The following CROCC variants were observed in gnomAD, a reference collection of about 807,000 sequenced individuals.
The protein encoded by CROCC is rootletin.
Under a neutral mutation model 245.2 loss-of-function variants are expected in CROCC, and 180 were observed. The ratio of observed to expected loss-of-function variants is 0.73; its 90% CI spans 0.65 to 0.83. CROCC has a LOEUF of 0.83. Among genes scored for constraint, CROCC ranks in the 40% least tolerant of loss-of-function variants. The pLI is 0.00. For synonymous variants in CROCC, 1,205 were observed against 1,241.6 expected (o/e 0.97, Z 0.62); for missense variants, 2,688 against 2,779.4 (o/e 0.97, Z 0.74).
chr1:16,932,475 G>T (rs1359349576), intron 8 of CROCC, among the ~76,000 whole-genome samples: 1 of 152,182 alleles, frequency 6.6e-6, no homozygotes, highest in African/African-American at 2.4e-5. Context: ...CTGAGGAAGC[G>T]AGTGGTCAGT....
At chr1:16,953,075 C>T (rs867836918) in intron 20 of CROCC, 35 of 542,804 alleles carry the variant, frequency 6.4e-5, no homozygotes, top group Middle Eastern at 4.9e-4. Flanking sequence ...CTTGTCCCTC[C>T]GCAGGGGACC....
Position 16,951,037 on chromosome 1 carries a change from T to A in CROCC, c.2921T>A (p.Val974Glu). The change falls in exon 20 of 37, where the codon GTG (valine) becomes GAG (glutamate). Residue 974 changes from valine (V) to glutamate (E), a missense_variant. Coordinates refer to ENST00000375541, the MANE Select transcript of CROCC (RefSeq NM_014675.5). ...AAGGAGCTGATGGCCCAGAAGCTGG[T>A]GCAGGCTGAGCGGGAGGCCCAGGCC... ...LDKELMAQKLVQAEREAQASL... is the reference protein window; with the variant it reads ...LDKELMAQKLEQAEREAQASL... 1 of 1,607,688 alleles carries A rather than the reference T, an allele frequency of 6.2e-7. No homozygotes were observed. Among genetic ancestry groups the A allele is most frequent in the Non-Finnish European group, 8.5e-7 (1 of 1,177,912 alleles).
rs6679534 is a variant in CROCC, at chr1:16,937,870, G to A, written c.1290+133G>A. Reference sequence around the variant, plus strand: ...TCACACTCAGGTTCAGCCCTCACAGGTGTGCAGGCTTTGTGGGAAGCACAC... The same window carrying A: ...TCACACTCAGGTTCAGCCCTCACAGATGTGCAGGCTTTGTGGGAAGCACAC... On this transcript the variant is annotated intron_variant, in intron 10 of 36. Transcript: ENST00000375541. 2.3e-3 allele frequency: 1,751 copies of A among 776,978 alleles called. No homozygotes were observed. In the African/African-American group the frequency reaches 0.025, roughly 11 times the overall value. The allele number at this position is 776,978 out of a possible 1,614,324, so 48.1% of individuals were successfully genotyped here. A position where few individuals can be genotyped will look rare whatever the true frequency, so the allele number is the denominator to read the frequency against.
chr1:16,970,112 G>A, intron 33 of CROCC, 141 bp from the exon 34 acceptor site: 3 of 1,195,958 alleles, frequency 2.5e-6, no homozygotes, highest in Non-Finnish European at 2.3e-6. Context: ...GAGAGAGACA[G>A]GTTTGGCTTC....
At chr1:16,915,159 T>C (rs532242932) in intron 1 of CROCC, among the ~76,000 whole-genome samples, 18 of 152,394 alleles carry the variant, frequency 1.2e-4, no homozygotes, top group African/African-American at 4.1e-4. Flanking sequence ...TCTTCTGGGA[T>C]GCGGCAGATG....
At chr1:16,950,236 GTATTTTTGGTA>G (rs1265730399) in intron 19 of CROCC, among the ~76,000 whole-genome samples, 4 of 151,574 alleles carry the variant, frequency 2.6e-5, no homozygotes, top group Non-Finnish European at 5.9e-5. Context: ...GCTAATTTTT[GTATTTTTGGTA>G]TAGACAGGGT....
rs1037172933 is a variant in CROCC at position 16,972,702 on chromosome 1, G to A, written c.*256G>A. ...CATTAAAGTTCCTCCTTGAGAGGCT[G>A]AGCCGTAGCCAGGATTGGGGAGAGC... On this transcript the variant is annotated 3_prime_UTR_variant, in exon 37 of 37. Transcript: ENST00000375541. The A allele has an allele frequency of 5.2e-4, 174 of 334,910 alleles. No individual in the cohort carries two copies. The highest frequency in any genetic ancestry group is 3.6e-3 in the African/African-American group (164 of 45,494). The allele number at this position is 334,910 out of a possible 1,614,324, so 20.7% of individuals were successfully genotyped here.
intron 9 of CROCC, 104 bp from the exon 10 acceptor site, chr1:16,937,537 A>G: frequency 1.1e-6 from 1 of 933,986 alleles, no homozygotes; most frequent in South Asian, 1.5e-5. Flanking sequence ...GGTGGATGTT[A>G]GGGTCCCTGC....
chr1:16,947,007 T>G lies in CROCC; in HGVS notation c.2514+16T>G. On this transcript the variant is annotated intron_variant, in intron 17 of 36. Coordinates refer to ENST00000375541, the MANE Select transcript of CROCC (RefSeq NM_014675.5). ...GCTAGCGCAGGTGGGCAAAGCTGTG[T>G]GTGGGGGTGGTGTGGAGAGCATGTG... 1 of 1,542,946 alleles carries G rather than the reference T, an allele frequency of 6.5e-7. No homozygotes were observed. The highest frequency in any genetic ancestry group is 8.7e-7 in the Non-Finnish European group (1 of 1,143,050).
chr1:16,934,299 T>G (rs1341985734), intron 8 of CROCC, among the ~76,000 whole-genome samples: 1 of 152,096 alleles, frequency 6.6e-6, no homozygotes, highest in African/African-American at 2.4e-5. Flanking sequence ...TATTATGGAC[T>G]GAAAATACAT....
rs9435714 is a variant in CROCC at position 16,940,041 on chromosome 1, G to T, written c.1756G>T (p.Asp586Tyr). 1.2e-6 allele frequency: 2 copies of T among 1,604,950 alleles called. No individual in the cohort carries two copies. Among genetic ancestry groups the T allele is most frequent in the South Asian group, 2.2e-5 (2 of 90,776 alleles). The change falls in exon 13 of 37, where the codon GAC becomes TAC. Residue 586 changes from aspartate (D) to tyrosine (Y), a missense_variant. By Grantham distance (160) the Asp-to-Tyr change is radical. Transcript: ENST00000375541. Reference sequence around the variant, plus strand: ...CGACGGCGCCATGCAGGCCCACGAGGACGCCCAGCGCGAGGTGCAGCGGCT... The same window carrying T: ...CGACGGCGCCATGCAGGCCCACGAGTACGCCCAGCGCGAGGTGCAGCGGCT... ...KTDGAMQAHE[D>Y]AQREVQRLRS... is the part of the protein sequence containing the mutation.
intron 12 of CROCC, 88 bp downstream of exon 12, chr1:16,939,230 G>T: frequency 1.7e-6 from 2 of 1,171,964 alleles, no homozygotes; most frequent in South Asian, 1.9e-5. Context: ...GCGGGGGCAG[G>T]TCCGGGGCCA....
In CROCC at chr1:16,938,501, C is replaced by A. The variant is rs372111229; in HGVS notation, c.1374+18C>A. On this transcript the variant is annotated intron_variant, in intron 11 of 36. Coordinates refer to ENST00000375541, the MANE Select transcript of CROCC (RefSeq NM_014675.5). ...TGGCACAGGTGTGAGCCCAGAGAGG[C>A]GGGAAGACAGCGCCCTGCCAGGCAG... 6.4e-7 allele frequency: 1 copy of A among 1,552,770 alleles called. No individual in the cohort carries two copies. The highest frequency in any genetic ancestry group is 8.7e-7 in the Non-Finnish European group (1 of 1,147,824).
rs1196372928 is a variant in CROCC at position 16,954,419 on chromosome 1, C to T, written c.3321+62C>T. The T allele has an allele frequency of 1.9e-6, 3 of 1,559,634 alleles. No individual in the cohort carries two copies. The highest frequency in any genetic ancestry group is 1.8e-5 in the Admixed American group (1 of 54,944). ...GAGAGGCACATCCCTGGCTGAGGAG[C>T]CCCCACCACGGGGCGGCATGGCCCT... On this transcript the variant is annotated intron_variant, in intron 22 of 36. Transcript: ENST00000375541. This position sits in a 1 kb window ranked among gnomAD's most constrained non-coding sequence, Gnocchi z 4.4.
chr1:16,970,967 A>G, intron 35 of CROCC, 200 bp downstream of exon 35: 1 of 535,196 alleles, frequency 1.9e-6, no homozygotes, highest in Non-Finnish European at 3.1e-6. Context: ...GCCTGTTTGC[A>G]CGTGAGCCTG....
Position 16,961,090 on chromosome 1 carries a change from G to A in CROCC, c.4365G>A (p.Arg1455=). ...GLGRAPSPAP[R]PVPGSPARDA... ...GTCGCGCGCCCAGCCCAGCCCCGCG[G>A]CCAGTGCCCGGTTCCCCTGCCCGGG... Residue 1455 remains arginine, a synonymous_variant, in exon 27 of 37, where the codon CGG becomes CGA. Transcript: ENST00000375541. 7.3e-7 allele frequency: 1 copy of A among 1,364,018 alleles called. No individual in the cohort carries two copies. Among genetic ancestry groups the A allele is most frequent in the Non-Finnish European group, 9.4e-7 (1 of 1,061,766 alleles). 84.5% of individuals were successfully genotyped at this position (1,364,018 alleles called of 1,614,324 possible). A position where few individuals can be genotyped will look rare whatever the true frequency, so the allele number is the denominator to read the frequency against.
chr1:16,938,313 C>T, intron 10 of CROCC, 87 bp from the exon 11 acceptor site: 1 of 1,285,556 alleles, frequency 7.8e-7, no homozygotes, highest in South Asian at 1.4e-5. Context: ...GCCACCTGGT[C>T]AGTGGTGGGC....
At chr1:16,951,882 CTTTT>C (rs35956886) in intron 20 of CROCC, 1 of 156,414 alleles carries the variant, frequency 6.4e-6, no homozygotes, top group Non-Finnish European at 1.4e-5. Context: ...CGGTAAAGCT[CTTTT>C]TTTTTTTTCT....
At chr1:16,924,056 G>T (rs1346071469) in intron 2 of CROCC, among the ~76,000 whole-genome samples, 1 of 152,278 alleles carries the variant, frequency 6.6e-6, no homozygotes, top group Non-Finnish European at 1.5e-5. Flanking sequence ...GAACTCAGGG[G>T]TCTCCTGGCT....
Sources: allele counts gnomAD v4.1 joint callset (sites outside exome capture counted in the v4.1 genomes callset), GRCh38; gene constraint gnomAD v4.1.1; non-coding constraint Gnocchi (gnomAD v3.1); transcripts MANE v1.5; gene names NCBI Gene and HGNC (gene_info 2026-07-23, HGNC 2026-07-21).